GALNTL6: variants seen among roughly 807,000 people sequenced by gnomAD.
The protein encoded by GALNTL6 is polypeptide N-acetylgalactosaminyltransferase-like 6.
Under a neutral mutation model 73.7 loss-of-function variants are expected in GALNTL6, and 46 were observed. The ratio of observed to expected loss-of-function variants is 0.62; its 90% confidence interval spans 0.49 to 0.80. The LOEUF (loss-of-function observed/expected upper bound fraction) is 0.80. Ranked by LOEUF, GALNTL6 falls within the 30% of genes least tolerant of loss-of-function variation. The probability of loss-of-function intolerance (pLI) is 0.00; values close to 1 mark genes in which losing one functional copy is unlikely to be tolerated. For missense variants in GALNTL6, 604 were observed against 755.0 expected, an observed-to-expected ratio of 0.80 and a Z score of 2.34; for synonymous variants, 259 against 263.7, an observed-to-expected ratio of 0.98 and a Z score of 0.17.
At position 172,711,655 on chromosome 4, in the gene GALNTL6, A is replaced by G. The variant is rs1734714985; in HGVS notation, c.554-97706A>G. Among the ~76,000 whole-genome samples the G allele has an allele frequency of 2.6e-5, 4 of 152,146 alleles. No homozygotes were observed. The South Asian group carries it at 8.3e-4, about 31-fold the overall frequency. ...CAGGTTCGGAAGGGACTTTTTTGTGAACATATTAATGTCCAAATTTTGGCA... is the reference window on the plus strand; with the variant it reads ...CAGGTTCGGAAGGGACTTTTTTGTGGACATATTAATGTCCAAATTTTGGCA... On this transcript the variant is annotated intron_variant, in intron 5 of 12. Coordinates refer to ENST00000506823, the MANE Select transcript of GALNTL6 (RefSeq NM_001034845.3).
intron 5 of GALNTL6, among the ~76,000 whole-genome samples, chr4:172,786,346 T>A (rs1739652728): frequency 6.6e-6 from 1 of 152,196 alleles, no homozygotes; most frequent in Non-Finnish European, 1.5e-5. Context: ...TCAAGTGGAA[T>A]ATAATTATCA....
At chr4:172,917,997 C>A (rs1331189793) in intron 8 of GALNTL6, among the ~76,000 whole-genome samples, 1 of 152,166 alleles carries the variant, frequency 6.6e-6, no homozygotes, top group African/African-American at 2.4e-5. Flanking sequence ...TTGGAACCAA[C>A]CCAAATGTCC....
chr4:173,039,505 A>G (rs1753821093), intron 12 of GALNTL6, among the ~76,000 whole-genome samples: 1 of 151,970 alleles, frequency 6.6e-6, no homozygotes, highest in Admixed American at 6.6e-5. Flanking sequence ...AGGGGGTATT[A>G]TTTACTGCGG....
chr4:172,594,346 A>G (rs1737768071), intron 5 of GALNTL6, among the ~76,000 whole-genome samples: 1 of 152,184 alleles, frequency 6.6e-6, no homozygotes, highest in African/African-American at 2.4e-5. Flanking sequence ...CTCTGTCTCA[A>G]AAAAAGTAAA....
chr4:172,118,710 A>AG (rs1162836647), intron 2 of GALNTL6, among the ~76,000 whole-genome samples: 7 of 151,442 alleles, frequency 4.6e-5, no homozygotes, highest in Non-Finnish European at 7.4e-5. Context: ...AAAACAAAAA[A>AG]GAAAAAAAAA....
chr4:172,786,114 G>T (rs1337411113), intron 5 of GALNTL6, among the ~76,000 whole-genome samples: 1 of 151,200 alleles, frequency 6.6e-6, no homozygotes, highest in African/African-American at 2.4e-5. Flanking sequence ...AGGGCTACGA[G>T]AGACACTAAT....
At chr4:172,719,287 A>G (rs533534214) in intron 5 of GALNTL6, among the ~76,000 whole-genome samples, 15 of 152,368 alleles carry the variant, frequency 9.8e-5, no homozygotes, top group African/African-American at 3.6e-4. Flanking sequence ...AAACATTTTA[A>G]CTAAGGACAG....
At chr4:172,349,829 A>C (rs1176975423) in intron 5 of GALNTL6, among the ~76,000 whole-genome samples, 2 of 82,166 alleles carry the variant, frequency 2.4e-5, no homozygotes, top group Non-Finnish European at 6.4e-5. Context: ...AATTAAAAAA[A>C]AATATATATA....
chr4:172,821,514 C>T (rs1741927385), intron 7 of GALNTL6, among the ~76,000 whole-genome samples: 1 of 152,120 alleles, frequency 6.6e-6, no homozygotes, highest in African/African-American at 2.4e-5. Context: ...GCCTTGCTCC[C>T]CATACTGTGT....
At chr4:172,577,491 C>T (rs779961687) in intron 5 of GALNTL6, among the ~76,000 whole-genome samples, 1 of 152,224 alleles carries the variant, frequency 6.6e-6, no homozygotes, top group Non-Finnish European at 1.5e-5. Context: ...CTAAGAACGC[C>T]CCACAGGTCC....
intron 5 of GALNTL6, among the ~76,000 whole-genome samples, chr4:172,796,296 A>T (rs1239684423): frequency 6.6e-6 from 1 of 152,156 alleles, no homozygotes; most frequent in African/African-American, 2.4e-5. Flanking sequence ...TTTATTGAGT[A>T]CTTACAATAT....
intron 8 of GALNTL6, among the ~76,000 whole-genome samples, chr4:172,927,875 A>G (rs1286658889): frequency 6.6e-6 from 1 of 152,156 alleles, no homozygotes; most frequent in Non-Finnish European, 1.5e-5. Context: ...AGAATTCATA[A>G]GCCCACCCTA....
chr4:172,317,159 T>TTCTTGATA, intron 4 of GALNTL6, among the ~76,000 whole-genome samples: 1 of 152,202 alleles, frequency 6.6e-6, no homozygotes, highest in East Asian at 1.9e-4. Flanking sequence ...TATATGCTAT[T>TTCTTGATA]TCTTGATATA....
chr4:173,032,346 G>A (rs1181324166), intron 12 of GALNTL6, among the ~76,000 whole-genome samples: 1 of 152,116 alleles, frequency 6.6e-6, no homozygotes, highest in African/African-American at 2.4e-5. Flanking sequence ...AGCTACTCGG[G>A]AGGCTGAGGC....
chr4:172,118,724 CA>C (rs1179170868), intron 2 of GALNTL6, among the ~76,000 whole-genome samples: 2 of 149,370 alleles, frequency 1.3e-5, no homozygotes, highest in Non-Finnish European at 3.0e-5. Context: ...AAAAAAAAAC[CA>C]AAAAACAAAC....
chr4:172,073,427 A>G (rs890143514), intron 2 of GALNTL6, among the ~76,000 whole-genome samples: 1 of 152,226 alleles, frequency 6.6e-6, no homozygotes, highest in Non-Finnish European at 1.5e-5. Flanking sequence ...GAGTTGTGCT[A>G]TAAAAATCAA....
At chr4:172,748,740 T>C (rs1737253883) in intron 5 of GALNTL6, among the ~76,000 whole-genome samples, 1 of 152,090 alleles carries the variant, frequency 6.6e-6, no homozygotes, top group Non-Finnish European at 1.5e-5. Flanking sequence ...TATTTCAAAA[T>C]AGCTAAAAGA....
intron 2 of GALNTL6, among the ~76,000 whole-genome samples, chr4:172,039,427 G>T (rs1024770032): frequency 6.6e-6 from 1 of 152,132 alleles, no homozygotes; most frequent in Non-Finnish European, 1.5e-5. Context: ...CAGACAAATG[G>T]TGAGGGTAGA....
At position 172,117,479 on chromosome 4, in the gene GALNTL6, T is replaced by G. The variant is rs192462945; in HGVS notation, c.139-112177T>G. On this transcript the variant is annotated intron_variant, in intron 2 of 12. Transcript: ENST00000506823. ...TCTTCCCCTATTAGATAGGAGTCTA[T>G]GATGATGAGAAGTCTCAGGACATCT... 6.6e-5 allele frequency among the ~76,000 whole-genome samples: 10 copies of G among 152,336 alleles called. No individual in the cohort carries two copies. The East Asian group carries it at 1.9e-3, about 29-fold the overall frequency.
Sources: allele counts gnomAD v4.1 joint callset (sites outside exome capture counted in the v4.1 genomes callset), GRCh38; gene constraint gnomAD v4.1.1; transcripts MANE v1.5; gene names NCBI Gene and HGNC (gene_info 2026-07-23, HGNC 2026-07-21).